GABPB2: variants seen among roughly 807,000 people sequenced by gnomAD.
GABPB2 encodes GA-binding protein subunit beta-2.
Under a neutral mutation model 39.1 loss-of-function variants are expected in GABPB2, and 23 were observed. The ratio of observed to expected loss-of-function variants is 0.59; its 90% confidence interval spans 0.42 to 0.83. The LOEUF (loss-of-function observed/expected upper bound fraction) is 0.83. Ranked by LOEUF, GABPB2 falls within the 40% of genes least tolerant of loss-of-function variation. The pLI is 0.00. For synonymous variants in GABPB2, 184 were observed against 199.3 expected (o/e 0.92, Z 0.65); for missense variants, 467 against 541.1 (o/e 0.86, Z 1.36).
chr1:151,100,804 T>C (rs587771874), intron 5 of GABPB2, among the ~76,000 whole-genome samples: 1 of 151,274 alleles, frequency 6.6e-6, no homozygotes, highest in East Asian at 2.0e-4. Flanking sequence ...GCCAGGCTGG[T>C]TTCAAACTCC....
intron 1 of GABPB2, among the ~76,000 whole-genome samples, chr1:151,085,129 G>A (rs1678069539): frequency 6.6e-6 from 1 of 151,188 alleles, no homozygotes; most frequent in Non-Finnish European, 1.5e-5. Flanking sequence ...CAGGCGCGGT[G>A]GCTCACACCT....
chr1:151,102,275 C>T (rs587692882), intron 5 of GABPB2, among the ~76,000 whole-genome samples: 3 of 152,110 alleles, frequency 2.0e-5, no homozygotes, highest in Non-Finnish European at 2.9e-5. Flanking sequence ...GAGCTGAGAC[C>T]GTGCTACTGC....
chr1:151,117,652 C>T (rs1180385099), intron 8 of GABPB2, 136 bp downstream of exon 8: 3 of 925,352 alleles, frequency 3.2e-6, no homozygotes, highest in Non-Finnish European at 4.8e-6. Flanking sequence ...GGCATGATCT[C>T]AGCTCACTGC....
At chr1:151,087,144 C>T (rs587741487) in intron 1 of GABPB2, among the ~76,000 whole-genome samples, 120 of 145,852 alleles carry the variant, frequency 8.2e-4, no homozygotes, top group African/African-American at 2.7e-3. Flanking sequence ...CGTGAGCCAC[C>T]GCGCCCAGCC....
intron 7 of GABPB2, among the ~76,000 whole-genome samples, chr1:151,107,854 G>A (rs1680092012): frequency 2.6e-5 from 4 of 151,932 alleles, no homozygotes; most frequent in African/African-American, 9.7e-5. Context: ...AGGATCACTT[G>A]AGCCCAGGAG....
chr1:151,100,897 T>C (rs1379310390), intron 5 of GABPB2, among the ~76,000 whole-genome samples: 1 of 151,864 alleles, frequency 6.6e-6, no homozygotes, highest in Non-Finnish European at 1.5e-5. Context: ...CCTGACTTCT[T>C]GAAAGAAGAA....
intron 7 of GABPB2, among the ~76,000 whole-genome samples, chr1:151,109,364 A>ATGTATATATT (rs779537595): frequency 1.8e-5 from 2 of 112,394 alleles, no homozygotes; most frequent in Non-Finnish European, 3.4e-5. Context: ...ATATATATAT[A>ATGTATATATT]TTTTTTTTTT....
chr1:151,078,987 T>TG (rs1571888268), intron 1 of GABPB2, among the ~76,000 whole-genome samples: 1 of 152,020 alleles, frequency 6.6e-6, no homozygotes, highest in East Asian at 1.9e-4. Context: ...TTACTTTTTC[T>TG]TAAGATGGAT....
chr1:151,095,771 C>T (rs1679051558), intron 4 of GABPB2, among the ~76,000 whole-genome samples: 1 of 152,134 alleles, frequency 6.6e-6, no homozygotes, highest in Non-Finnish European at 1.5e-5. Context: ...TGGTAGCTCA[C>T]GCCTGTAATC....
intron 1 of GABPB2, among the ~76,000 whole-genome samples, chr1:151,083,242 T>A (rs1216095406): frequency 6.6e-6 from 1 of 152,182 alleles, no homozygotes; most frequent in Non-Finnish European, 1.5e-5. Flanking sequence ...GGAAAGTCTT[T>A]AATGTGAGTT....
At position 151,093,200 on chromosome 1, in the gene GABPB2, A is replaced by G. The variant is rs1255259000; in HGVS notation, c.285A>G (p.Ala95=). ...HIVELLVRNG[A]DVNAKDMLKM... is the part of the protein sequence containing the mutation. Reference sequence around the variant, plus strand: ...ATGCTTTTCTGTGACAGAATGGTGCAGATGTGAATGCCAAGGACATGCTGA... The same window carrying G: ...ATGCTTTTCTGTGACAGAATGGTGCGGATGTGAATGCCAAGGACATGCTGA... Residue 95 remains alanine, a synonymous_variant, in exon 4 of 9, where the codon GCA becomes GCG. Coordinates refer to ENST00000368918, the MANE Select transcript of GABPB2 (RefSeq NM_144618.3). 1 of 1,594,238 alleles carries G rather than the reference A, an allele frequency of 6.3e-7. No individual in the cohort carries two copies. The highest frequency in any genetic ancestry group is 2.3e-5 in the East Asian group (1 of 44,092).
intron 1 of GABPB2, among the ~76,000 whole-genome samples, chr1:151,077,507 A>C (rs1020393092): frequency 6.6e-6 from 1 of 151,558 alleles, no homozygotes; most frequent in Admixed American, 6.6e-5. Flanking sequence ...CAGGCATGCA[A>C]CACCACGCCC....
At chr1:151,096,282 C>T (rs764955977) in intron 4 of GABPB2, among the ~76,000 whole-genome samples, 11 of 151,818 alleles carry the variant, frequency 7.2e-5, no homozygotes, top group African/African-American at 2.2e-4. Context: ...AGAAATTAGC[C>T]GGGCATGGCA....
chr1:151,116,648 C>A (rs1029325536), intron 7 of GABPB2, among the ~76,000 whole-genome samples: 4 of 151,962 alleles, frequency 2.6e-5, no homozygotes, highest in Non-Finnish European at 5.9e-5. Context: ...CATTCTGTCA[C>A]CCAGGCTGGA....
At chr1:151,107,294 G>T (rs1680043705) in intron 7 of GABPB2, 72 bp downstream of exon 7, 2 of 1,016,264 alleles carry the variant, frequency 2.0e-6, no homozygotes, top group Admixed American at 3.8e-5. Flanking sequence ...TAAAAATGAG[G>T]CATTAAGACA....
At chr1:151,092,875 G>A (rs1165926048) in intron 3 of GABPB2, among the ~76,000 whole-genome samples, 1 of 152,040 alleles carries the variant, frequency 6.6e-6, no homozygotes, top group Non-Finnish European at 1.5e-5. Flanking sequence ...GTTCCTGAAG[G>A]TATTCTCTGC....
At chr1:151,103,728 A>C in intron 6 of GABPB2, 53 bp downstream of exon 6, 1 of 1,135,522 alleles carries the variant, frequency 8.8e-7, no homozygotes, top group Non-Finnish European at 1.3e-6. Context: ...TTTGTTTTTA[A>C]GTCTCCAGCA....
At chr1:151,111,394 A>C (rs1406822832) in intron 7 of GABPB2, among the ~76,000 whole-genome samples, 1 of 129,488 alleles carries the variant, frequency 7.7e-6, no homozygotes, top group Non-Finnish European at 1.6e-5. Flanking sequence ...CAAGGCGCCC[A>C]CCACCGCCCC....
intron 1 of GABPB2, among the ~76,000 whole-genome samples, chr1:151,087,471 A>AC (rs1321885017): frequency 6.6e-6 from 1 of 151,310 alleles, no homozygotes; most frequent in African/African-American, 2.4e-5. Flanking sequence ...ACATGGTGAA[A>AC]CCCCATCTCT....
Sources: gnomAD v4.1 joint callset for allele counts (sites outside exome capture counted in the v4.1 genomes callset) on GRCh38, gnomAD v4.1.1 for gene constraint, MANE v1.5 for transcripts, NCBI Gene and HGNC (gene_info 2026-07-23, HGNC 2026-07-21) for gene names.